Variants in MGAT5 observed in about 807,000 individuals in gnomAD.
MGAT5 encodes alpha-1,6-mannosylglycoprotein 6-beta-N-acetylglucosaminyltransferase.
MGAT5 carries 30 observed loss-of-function variants against 94.3 expected under a neutral mutation model. The observed-to-expected ratio is 0.32, with a 90% CI of 0.24 to 0.43. MGAT5 has a LOEUF of 0.43. MGAT5 is among the 20% of genes least tolerant of loss of function. The probability of loss-of-function intolerance (pLI) is 1.00; values close to 1 mark genes in which losing one functional copy is unlikely to be tolerated. For missense variants in MGAT5, 691 were observed against 905.5 expected (o/e 0.76, Z 3.04); for synonymous variants, 310 against 322.9 (o/e 0.96, Z 0.43).
At chr2:134,410,132 T>C (rs1438174572) in intron 11 of MGAT5, among the ~76,000 whole-genome samples, 1 of 152,190 alleles carries the variant, frequency 6.6e-6, no homozygotes, top group Non-Finnish European at 1.5e-5. Context: ...ATCGGTTAAG[T>C]AGGCAGAATA....
At chr2:134,415,012 A>G (rs1001307063) in intron 12 of MGAT5, among the ~76,000 whole-genome samples, 1 of 152,214 alleles carries the variant, frequency 6.6e-6, no homozygotes, top group African/African-American at 2.4e-5. Flanking sequence ...TTATCTATTC[A>G]TCCACTGAAG....
chr2:134,353,470 C>A (rs376861023), intron 9 of MGAT5, among the ~76,000 whole-genome samples: 3 of 152,160 alleles, frequency 2.0e-5, no homozygotes, highest in Admixed American at 6.5e-5. Context: ...CGGAATGATA[C>A]ACCAACCAAG....
At chr2:134,122,965 G>C (rs1318553360) in intron 1 of MGAT5, among the ~76,000 whole-genome samples, 1 of 152,204 alleles carries the variant, frequency 6.6e-6, no homozygotes, top group Non-Finnish European at 1.5e-5. Flanking sequence ...TTTGTGTTTG[G>C]AAGTGTGAAT....
intron 1 of MGAT5, among the ~76,000 whole-genome samples, chr2:134,223,281 C>T (rs1379842497): frequency 3.3e-5 from 5 of 152,174 alleles, no homozygotes; most frequent in Admixed American, 6.5e-5. Context: ...TACAATCTTA[C>T]GTACCCACCT....
Position 134,121,051 on chromosome 2 carries a change from G to A in MGAT5, c.-143+760G>A, listed in dbSNP as rs575008868. Among the ~76,000 whole-genome samples, 34 of 152,260 alleles carry A rather than the reference G, an allele frequency of 2.2e-4. 1 individual carries two copies. The South Asian group carries it at 6.8e-3, about 31-fold the overall frequency. On this transcript the variant is annotated intron_variant, in intron 1 of 16. Transcript: ENST00000409645. ...GGAACTTCCTGCCGAGTCGTGAGCC[G>A]CCCCGGCCCACTCCCGGCCCTCAGC...
chr2:134,452,570 A>G lies in MGAT5; in HGVS notation c.*3723A>G, dbSNP rs1686161602. 6.6e-6 allele frequency: 1 copy of G among 152,194 alleles called. No individual in the cohort carries two copies. Among genetic ancestry groups the G allele is most frequent in the Admixed American group, 6.5e-5 (1 of 15,284 alleles). The allele number at this position is 152,194 out of a possible 1,614,324, so 9.4% of individuals were successfully genotyped here. A position where few individuals can be genotyped will look rare whatever the true frequency, so the allele number is the denominator to read the frequency against. On this transcript the variant is annotated 3_prime_UTR_variant, in exon 16 of 16. Transcript: ENST00000281923. ...GGACTGAAACTGTATGTCTGTAGGT[A>G]GGTGTGTGCCTTTTAGGGCAGACCA...
intron 15 of MGAT5, 71 bp downstream of exon 15, chr2:134,441,986 A>T: frequency 6.4e-7 from 1 of 1,552,120 alleles, no homozygotes; most frequent in Non-Finnish European, 8.8e-7. Flanking sequence ...TAGTCAGGTG[A>T]GAGGTACAGG....
intron 1 of MGAT5, among the ~76,000 whole-genome samples, chr2:134,267,226 T>G (rs1480945583): frequency 6.6e-6 from 1 of 152,172 alleles, no homozygotes; most frequent in East Asian, 1.9e-4. Flanking sequence ...TGAAGCATGG[T>G]GGGTAAGAGC....
rs555621359 is a variant in MGAT5 at position 134,233,862 on chromosome 2, G to A, written c.-142-20400G>A. Among the ~76,000 whole-genome samples the A allele has an allele frequency of 2.0e-5, 3 of 152,302 alleles. No individual in the cohort carries two copies. The East Asian group carries it at 5.8e-4, about 29-fold the overall frequency. ...CTGAATCTAATTCCCAAGCCTCTCT[G>A]CCACACCAGATTGCCTCTCTATTCA... On this transcript the variant is annotated intron_variant, in intron 1 of 16. Coordinates refer to the MGAT5 transcript ENST00000409645.
intron 1 of MGAT5, among the ~76,000 whole-genome samples, chr2:134,257,255 T>C (rs1683024415): frequency 6.6e-6 from 1 of 152,192 alleles, no homozygotes; most frequent in African/African-American, 2.4e-5. Context: ...GTTTCTGAGA[T>C]GGAGTCTTGC....
intron 10 of MGAT5, among the ~76,000 whole-genome samples, chr2:134,388,447 A>AC (rs1682170657): frequency 6.6e-6 from 1 of 151,994 alleles, no homozygotes; most frequent in African/African-American, 2.4e-5. Context: ...TAAAAAAAAA[A>AC]CCCACTGCTA....
chr2:134,389,174 A>G (rs187051349), intron 10 of MGAT5, among the ~76,000 whole-genome samples: 1 of 152,334 alleles, frequency 6.6e-6, no homozygotes, highest in Non-Finnish European at 1.5e-5. Context: ...GTTAGCAGCC[A>G]TTAAGAATAA....
chr2:134,438,167 T>C (rs1685274731), intron 14 of MGAT5, among the ~76,000 whole-genome samples: 1 of 152,220 alleles, frequency 6.6e-6, no homozygotes, highest in Non-Finnish European at 1.5e-5. Context: ...CTCAAATGTA[T>C]TTAAAATATT....
chr2:134,254,765 G>A lies in MGAT5; in HGVS notation c.241+121G>A, dbSNP rs532198105. 5.1e-6 allele frequency: 7 copies of A among 1,359,948 alleles called. No homozygotes were observed. In the East Asian group the frequency reaches 1.4e-4, roughly 27 times the overall value. 84.2% of individuals were successfully genotyped at this position (1,359,948 alleles called of 1,614,324 possible). ...TCCTTTGCCACTGCCTTCATAAGCA[G>A]TGAATTGCACACAGAGAGGCATCTT... On this transcript the variant is annotated intron_variant, in intron 1 of 15. Transcript: ENST00000281923.
rs1688840250 is a variant in MGAT5 at position 134,345,045 on chromosome 2, C to T, written c.1093C>T (p.Pro365Ser). Residue 365 changes from proline to serine, a missense_variant, in exon 8 of 16, where the codon CCA (proline) becomes TCA (serine). By Grantham distance (74) the Pro-to-Ser change is moderately conservative. Around this residue, in one of 4 missense-constraint regions of MGAT5, gnomAD observed 121 missense variants for 206.1 expected, o/e 0.59. Transcript: ENST00000281923. ...TGCTCAATTCAAGAAAACTCTTGGA[C>T]CATCCTGGGTTCATTACCAGTAAGT... ...GLAQFKKTLG[P>S]SWVHYQCMLR... The T allele has an allele frequency of 1.2e-6, 2 of 1,613,412 alleles. No homozygotes were observed. Among genetic ancestry groups the T allele is most frequent in the East Asian group, 4.5e-5 (2 of 44,842 alleles).
intron 15 of MGAT5, among the ~76,000 whole-genome samples, chr2:134,447,164 A>G (rs943464597): frequency 2.0e-5 from 3 of 152,192 alleles, no homozygotes; most frequent in African/African-American, 7.2e-5. Flanking sequence ...ATACAAGCCC[A>G]TTTGGAAGCT....
In MGAT5 at chr2:134,268,274, A is replaced by T. The variant is rs1287926995; in HGVS notation, c.242-2112A>T. Among the ~76,000 whole-genome samples, 1 of 152,212 alleles carries T rather than the reference A, an allele frequency of 6.6e-6. No individual in the cohort carries two copies. The highest frequency in any genetic ancestry group is 2.4e-5 in the African/African-American group (1 of 41,452). On this transcript the variant is annotated intron_variant, in intron 1 of 15. Coordinates refer to ENST00000281923, the MANE Select transcript of MGAT5 (RefSeq NM_002410.5). This position sits in a 1 kb window ranked among gnomAD's most constrained non-coding sequence, Gnocchi z 4.1. ...AAATGCTATTCTAGATTGTATTCGG[A>T]TTCTAGCTGGCTGATGACACAGGCT...
intron 2 of MGAT5, among the ~76,000 whole-genome samples, chr2:134,287,451 T>C (rs1183092378): frequency 6.6e-6 from 1 of 152,224 alleles, no homozygotes; most frequent in Non-Finnish European, 1.5e-5. Flanking sequence ...GGTGTGAGAA[T>C]GTTTTCTCAC....
rs573605267 is a variant in MGAT5, at chr2:134,260,378, C to T, written c.241+5734C>T. 3.3e-5 allele frequency among the ~76,000 whole-genome samples: 5 copies of T among 152,304 alleles called. No individual in the cohort carries two copies. In the East Asian group the frequency reaches 9.6e-4, roughly 29 times the overall value. On this transcript the variant is annotated intron_variant, in intron 1 of 15. Coordinates refer to ENST00000281923, the MANE Select transcript of MGAT5 (RefSeq NM_002410.5). The stretch of plus-strand genomic sequence containing the variant: ...GCAGTGGAGAGGTAACTGCTTTGGA[C>T]TTCCGATTGGCCCTCATTGGCTTGG...
Sources: gnomAD v4.1 joint callset for allele counts (sites outside exome capture counted in the v4.1 genomes callset) on GRCh38, gnomAD v4.1.1 for gene constraint, gnomAD v4.1.1 regional missense constraint, Gnocchi (gnomAD v3.1) non-coding constraint, MANE v1.5 for transcripts, NCBI Gene and HGNC (gene_info 2026-07-23, HGNC 2026-07-21) for gene names.